PPP1R21: variants seen among roughly 807,000 people sequenced by gnomAD.
PPP1R21 encodes the protein KLRAQ motif containing 1.
In PPP1R21, 85 loss-of-function variants were observed where a neutral mutation model predicts 112.8. The ratio of observed to expected loss-of-function variants is 0.75; its 90% CI spans 0.63 to 0.90. The LOEUF is 0.90. Ranked by LOEUF, PPP1R21 falls within the 40% of genes least tolerant of loss-of-function variation. The probability of loss-of-function intolerance (pLI) is 0.00; values close to 1 mark genes in which losing one functional copy is unlikely to be tolerated. For synonymous variants in PPP1R21, 381 were observed against 322.3 expected (o/e 1.18, Z -1.95); for missense variants, 1,199 against 901.5 (o/e 1.33, Z -4.23).
At position 48,509,114 on chromosome 2, in the gene PPP1R21, G is replaced by A. The variant is rs1023291204; in HGVS notation, c.2086-901G>A. On this transcript the variant is annotated intron_variant, in intron 19 of 21. Transcript: ENST00000294952. ...TGTGAAATAGGATTTTTCTTTTATC[G>A]TTTTGATCTACACACTCTCTGGATA... 9.0e-5 allele frequency among the ~76,000 whole-genome samples: 12 copies of A among 132,686 alleles called. No homozygotes were observed. In the East Asian group the frequency reaches 1.1e-3, roughly 13 times the overall value. The allele number at this position is 132,686 out of a possible 152,430, so 87.0% of individuals were successfully genotyped here.
At chr2:48,503,623 G>A (rs1028536414) in intron 17 of PPP1R21, among the ~76,000 whole-genome samples, 1 of 152,112 alleles carries the variant, frequency 6.6e-6, no homozygotes, top group African/African-American at 2.4e-5. Flanking sequence ...AGTATCATAT[G>A]AGAAAATGTT....
chr2:48,471,452 C>T (rs1206338027), intron 11 of PPP1R21, 85 bp downstream of exon 11: 1 of 1,298,142 alleles, frequency 7.7e-7, no homozygotes, highest in Non-Finnish European at 1.1e-6. Context: ...TAACATGTGC[C>T]TCTTGTGATC....
chr2:48,445,132 G>A (rs1475737795), intron 1 of PPP1R21, among the ~76,000 whole-genome samples: 1 of 141,960 alleles, frequency 7.0e-6, no homozygotes, highest in African/African-American at 2.6e-5. Context: ...AATTGAATAT[G>A]AGCTTTTTTT....
At chr2:48,448,891 C>T (rs1361740838) in intron 1 of PPP1R21, among the ~76,000 whole-genome samples, 1 of 152,190 alleles carries the variant, frequency 6.6e-6, no homozygotes, top group Non-Finnish European at 1.5e-5. Context: ...TCCATTGTAC[C>T]TCAAAAGCAA....
rs186521909 is a variant in PPP1R21 at position 48,465,609 on chromosome 2, T to A, written c.864T>A (p.Ser288=). The A allele has an allele frequency of 2.5e-6, 4 of 1,613,538 alleles. No individual in the cohort carries two copies. Among genetic ancestry groups the A allele is most frequent in the Admixed American group, 3.3e-5 (2 of 59,920 alleles). ...GGATTCAAATTTTTCCTGTTGATTC[T>A]GCCATTGACACTATATCTCCATTGA... is the stretch of plus-strand genomic sequence containing the variant. ...EQRIQIFPVD[S]AIDTISPLNQ... Residue 288 remains serine, a synonymous_variant, in exon 9 of 22, where the codon TCT becomes TCA. Coordinates refer to ENST00000294952, the MANE Select transcript of PPP1R21 (RefSeq NM_001135629.3).
At chr2:48,500,400 C>T (rs1558514376) in intron 17 of PPP1R21, among the ~76,000 whole-genome samples, 1 of 151,572 alleles carries the variant, frequency 6.6e-6, no homozygotes, top group Admixed American at 6.6e-5. Flanking sequence ...ATACTTTTTA[C>T]CGCTAACCTT....
In PPP1R21 at chr2:48,479,972, C is replaced by G. The variant is rs754680924; in HGVS notation, c.1274C>G (p.Thr425Arg). 5.6e-6 allele frequency: 9 copies of G among 1,613,344 alleles called. No individual in the cohort carries two copies. The South Asian group carries it at 6.6e-5, about 12-fold the overall frequency. The stretch of plus-strand genomic sequence containing the variant: ...CGGACAAACTACAGTTCTGTGTTAA[C>G]AAATGTTGGTGCTGCTCTGCATGGA... ...LLRTNYSSVL[T>R]NVGAALHGFH... The change falls in exon 13 of 22, where the codon ACA (threonine) becomes AGA (arginine). Residue 425 changes from threonine to arginine, a missense_variant. Thr to Arg is a moderately conservative substitution (Grantham distance 71, BLOSUM62 -1). Transcript: ENST00000294952.
At chr2:48,478,492 T>C (rs1182283195) in intron 12 of PPP1R21, among the ~76,000 whole-genome samples, 1 of 152,212 alleles carries the variant, frequency 6.6e-6, no homozygotes, top group African/African-American at 2.4e-5. Flanking sequence ...TCCTTCACTG[T>C]CTCTTTCACT....
At chr2:48,502,932 G>T (rs1267114022) in intron 17 of PPP1R21, among the ~76,000 whole-genome samples, 1 of 151,802 alleles carries the variant, frequency 6.6e-6, no homozygotes, top group Admixed American at 6.6e-5. Flanking sequence ...CGCCCACCTC[G>T]GCCTCCCAAA....
intron 11 of PPP1R21, among the ~76,000 whole-genome samples, 195 bp from the exon 12 acceptor site, chr2:48,474,488 T>C (rs1179085132): frequency 6.6e-6 from 1 of 152,250 alleles, no homozygotes; most frequent in Non-Finnish European, 1.5e-5. Context: ...TTTAGTCATC[T>C]TATATTCCAT....
At chr2:48,474,240 G>A (rs749067913) in intron 11 of PPP1R21, among the ~76,000 whole-genome samples, 5 of 152,042 alleles carry the variant, frequency 3.3e-5, no homozygotes, top group Non-Finnish European at 5.9e-5. Context: ...AAAATTAGCC[G>A]GGCGTGGTGG....
At chr2:48,441,275 G>T (rs190188094) in intron 1 of PPP1R21, 4 of 537,304 alleles carry the variant, frequency 7.4e-6, no homozygotes, top group African/African-American at 4.0e-5. Context: ...GCGGGCTTGG[G>T]ACTGGGATGT....
chr2:48,504,943 A>G (rs1670307703), intron 17 of PPP1R21, among the ~76,000 whole-genome samples: 1 of 152,144 alleles, frequency 6.6e-6, no homozygotes, highest in East Asian at 1.9e-4. Context: ...GCAGTAAGCT[A>G]TGATTGCACC....
chr2:48,483,534 C>A (rs1373037162), intron 13 of PPP1R21, among the ~76,000 whole-genome samples: 1 of 152,168 alleles, frequency 6.6e-6, no homozygotes, highest in Admixed American at 6.5e-5. Flanking sequence ...GCCTGAATAG[C>A]CAAAGCAAAC....
intron 1 of PPP1R21, among the ~76,000 whole-genome samples, chr2:48,450,292 G>C (rs1015898242): frequency 6.6e-6 from 1 of 152,188 alleles, no homozygotes; most frequent in Admixed American, 6.5e-5. Context: ...CTGTGCCTCA[G>C]TTTCCTCATC....
At chr2:48,467,481 G>A (rs1340904440) in intron 9 of PPP1R21, among the ~76,000 whole-genome samples, 1 of 152,206 alleles carries the variant, frequency 6.6e-6, no homozygotes, top group Non-Finnish European at 1.5e-5. Flanking sequence ...GCTGGCTCAT[G>A]ATCTCTCATA....
Position 48,471,124 on chromosome 2 carries a change from G to A in PPP1R21, c.935G>A (p.Arg312His). 1.9e-6 allele frequency: 3 copies of A among 1,612,312 alleles called. No homozygotes were observed. The highest frequency in any genetic ancestry group is 2.5e-6 in the Non-Finnish European group (3 of 1,178,528). ...QYLHENASYVRPLEEGMLHLF... is the reference protein window; with the variant it reads ...QYLHENASYVHPLEEGMLHLF... ...CTTCATGAAAATGCGTCCTATGTCCGCCCTCTTGAGGAAGGAATGCTTCAT... is the reference window on the plus strand; with the variant it reads ...CTTCATGAAAATGCGTCCTATGTCCACCCTCTTGAGGAAGGAATGCTTCAT... The change falls in exon 10 of 22, where the codon CGC becomes CAC. Residue 312 changes from arginine to histidine, a missense_variant. Physicochemically the swap from Arg to His is conservative, Grantham distance 29. Transcript: ENST00000294952.
At chr2:48,463,605 A>G (rs1668074092) in intron 7 of PPP1R21, among the ~76,000 whole-genome samples, 1 of 152,072 alleles carries the variant, frequency 6.6e-6, no homozygotes, top group Non-Finnish European at 1.5e-5. Flanking sequence ...AAGGCTGGGG[A>G]CAGGAGTCAG....
chr2:48,479,893 AATGCTTAGATTTGTG>A lies in PPP1R21; in HGVS notation c.1226-28_1226-14del. The A allele has an allele frequency of 7.2e-7, 1 of 1,385,098 alleles. No individual in the cohort carries two copies. Among genetic ancestry groups the A allele is most frequent in the South Asian group, 1.2e-5 (1 of 86,146 alleles). 85.8% of individuals were successfully genotyped at this position (1,385,098 alleles called of 1,614,324 possible). ...CAATGGGCAGTCCATTTTTCAGGAA[AATGCTTAGATTTGTG>A]ATTTTGATTTCCTAGGTACAGAGCC... On this transcript the variant is annotated splice_polypyrimidine_tract_variant and intron_variant, in intron 12 of 21. Transcript: ENST00000294952.
Sources: gnomAD v4.1 joint callset for allele counts (sites outside exome capture counted in the v4.1 genomes callset) on GRCh38, gnomAD v4.1.1 for gene constraint, MANE v1.5 for transcripts, NCBI Gene and HGNC (gene_info 2026-07-23, HGNC 2026-07-21) for gene names.